Variants in NPHP1 observed in about 807,000 individuals in gnomAD.
NPHP1 encodes the protein nephrocystin-1.
A neutral mutation model predicts 90.4 loss-of-function variants in NPHP1; 70 were observed. The observed-to-expected ratio is 0.77, with a 90% confidence interval of 0.64 to 0.95. The LOEUF (loss-of-function observed/expected upper bound fraction) is 0.95, where lower values mean the gene tolerates loss of function less well. Ranked by LOEUF, NPHP1 falls within the 40% of genes least tolerant of loss-of-function variation. NPHP1 has a pLI of 0.00. For missense variants in NPHP1, 764 were observed against 795.9 expected, an observed-to-expected ratio of 0.96 and a Z score of 0.48; for synonymous variants, 256 against 271.7, an observed-to-expected ratio of 0.94 and a Z score of 0.57.
intron 5 of NPHP1, 101 bp from the exon 6 acceptor site, chr2:110,168,654 T>C (rs981156114): frequency 2.1e-5 from 17 of 815,426 alleles, no homozygotes; most frequent in South Asian, 8.8e-5. Flanking sequence ...AAAGGCAAAA[T>C]CTTTTTTTAA....
At chr2:110,131,964 A>G (rs1679816597) in intron 16 of NPHP1, among the ~76,000 whole-genome samples, 173 bp from the exon 17 acceptor site, 1 of 152,208 alleles carries the variant, frequency 6.6e-6, no homozygotes, top group Non-Finnish European at 1.5e-5. Context: ...TAAATTTCAG[A>G]TAACTTTTTA....
In NPHP1 at chr2:110,125,646, T is replaced by C. The variant is rs1679296760; in HGVS notation, c.1752A>G (p.Arg584=). 6.2e-7 allele frequency: 1 copy of C among 1,613,170 alleles called. No individual in the cohort carries two copies. The highest frequency in any genetic ancestry group is 1.3e-5 in the African/African-American group (1 of 74,920). Residue 584 remains arginine, a synonymous_variant, in exon 19 of 20, where the codon AGA becomes AGG. Transcript: ENST00000445609. ...SWAGKESTLK[R]SEKRDKEFLK... ...GAGACTCATATTTTACCTTCTCTGA[T>C]CTTTTTAATGTGCTTTCTTTTCCAG...
At chr2:110,156,402 C>G (rs995057999) in intron 11 of NPHP1, among the ~76,000 whole-genome samples, 1 of 152,062 alleles carries the variant, frequency 6.6e-6, no homozygotes, top group Non-Finnish European at 1.5e-5. Flanking sequence ...CTCAGCCATG[C>G]GGAACTGTAA....
At chr2:110,162,503 GACA>G in intron 9 of NPHP1, among the ~76,000 whole-genome samples, 1 of 152,008 alleles carries the variant, frequency 6.6e-6, no homozygotes, top group Non-Finnish European at 1.5e-5. Flanking sequence ...GGGTATACAG[GACA>G]CCCCTTGTCC....
chr2:110,156,339 T>C (rs1681886259), intron 11 of NPHP1, among the ~76,000 whole-genome samples: 5 of 152,262 alleles, frequency 3.3e-5, no homozygotes, highest in Middle Eastern at 3.4e-3. Flanking sequence ...TGTTCTCTTG[T>C]CTGCCACCAT....
At chr2:110,164,902 G>T in intron 7 of NPHP1, 150 bp downstream of exon 7, 1 of 863,582 alleles carries the variant, frequency 1.2e-6, no homozygotes, top group Non-Finnish European at 1.9e-6. Flanking sequence ...AACTAAAACA[G>T]TAATGATCTT....
chr2:110,157,707 T>C (rs1043883249), intron 11 of NPHP1, among the ~76,000 whole-genome samples: 1 of 152,060 alleles, frequency 6.6e-6, no homozygotes, highest in Non-Finnish European at 1.5e-5. Context: ...GATATCTCTA[T>C]CCACATCTCT....
intron 4 of NPHP1, among the ~76,000 whole-genome samples, chr2:110,175,737 A>C (rs914700384): frequency 6.6e-6 from 1 of 151,948 alleles, no homozygotes; most frequent in African/African-American, 2.4e-5. Context: ...GTGGATTGAT[A>C]TCTCTCTTAG....
Position 110,160,249 on chromosome 2 carries a change from A to G in NPHP1, c.961T>C (p.Ser321Pro), listed in dbSNP as rs1182173383. 1 of 1,608,280 alleles carries G rather than the reference A, an allele frequency of 6.2e-7. No homozygotes were observed. The highest frequency in any genetic ancestry group is 1.7e-5 in the Admixed American group (1 of 59,946). ...MWDATEGTIR[S>P]RPSRISLILT... ...ATCAATGAAATACGACTTGGTCTCG[A>G]CCTAATCTGAAAGAAAAATTAGTTA... The change falls in exon 11 of 20, where the codon TCG (serine) becomes CCG (proline). Residue 321 changes from serine (S) to proline (P), a missense_variant. Ser to Pro is a moderately conservative substitution (Grantham distance 74). Coordinates refer to ENST00000445609, the MANE Select transcript of NPHP1 (RefSeq NM_001128178.3).
rs375847336 is a variant in NPHP1, at chr2:110,192,698, A to T, written c.143+8723T>A. Among the ~76,000 whole-genome samples, 127 of 152,260 alleles carry T rather than the reference A, an allele frequency of 8.3e-4. 1 individual carries two copies. The East Asian group carries it at 0.014, about 17-fold the overall frequency. On this transcript the variant is annotated intron_variant, in intron 2 of 19. Transcript: ENST00000445609. ...CTCGAGAAGAGCAACTCCAAGACAC[A>T]TAATTGTCAGATTCACGAAAGTTGA...
intron 9 of NPHP1, among the ~76,000 whole-genome samples, chr2:110,162,239 G>T (rs1210238469): frequency 6.6e-6 from 1 of 152,058 alleles, no homozygotes; most frequent in African/African-American, 2.4e-5. Flanking sequence ...AGTTGAATGG[G>T]AGGAAAATTT....
rs1683006000 is a variant in NPHP1, at chr2:110,169,978, T to C, written c.350A>G (p.Glu117Gly). 6.2e-7 allele frequency: 1 copy of C among 1,612,444 alleles called. No individual in the cohort carries two copies. Among genetic ancestry groups the C allele is most frequent in the Non-Finnish European group, 8.5e-7 (1 of 1,178,612 alleles). ...ATCTTCACTTTCACTTTCTTCCTCT[T>C]CTTCAGTAGGTGCCCCAACTCTACA... ...NITEVGAPTE[E>G]EEESESEDSE... The change falls in exon 5 of 20, where the codon GAA (glutamate) becomes GGA (glycine). Residue 117 changes from glutamate (E) to glycine (G), a missense_variant. Glu to Gly is a moderately conservative substitution (Grantham distance 98, BLOSUM62 -2). Transcript: ENST00000445609.
chr2:110,140,442 T>C (rs1218337702), intron 16 of NPHP1, among the ~76,000 whole-genome samples: 2 of 152,114 alleles, frequency 1.3e-5, no homozygotes, highest in Admixed American at 6.5e-5. Context: ...CAGCATACAG[T>C]AGAGCATTCA....
chr2:110,165,225 T>G, intron 6 of NPHP1, 70 bp from the exon 7 acceptor site: 10 of 1,161,142 alleles, frequency 8.6e-6, no homozygotes, highest in Non-Finnish European at 1.3e-5. Context: ...ATACCAGTAC[T>G]GCCACCTAAC....
rs3789732 is a variant in NPHP1 at position 110,147,642 on chromosome 2, C to A, written c.1269+274G>T. Among the ~76,000 whole-genome samples the A allele has an allele frequency of 0.39, 58,725 of 152,002 alleles. 12,098 individuals carry two copies. Among genetic ancestry groups the A allele is most frequent in the East Asian group, 0.58 (2,975 of 5,162 alleles). ...GCTGGGATGCCAGTGAGCATCTTTT[C>A]TCACTTTCTGCAAAGTCCCATCCTT... On this transcript the variant is annotated intron_variant, in intron 13 of 19. Transcript: ENST00000445609.
At chr2:110,199,015 C>A (rs552858451) in intron 2 of NPHP1, among the ~76,000 whole-genome samples, 8 of 151,162 alleles carry the variant, frequency 5.3e-5, no homozygotes, top group Non-Finnish European at 8.8e-5. Context: ...CAGAAGAGAA[C>A]TTAAGGAGAA....
intron 12 of NPHP1, 49 bp downstream of exon 12, chr2:110,150,133 T>C: frequency 1.6e-6 from 2 of 1,275,856 alleles, no homozygotes; most frequent in East Asian, 2.3e-5. Context: ...AATATGAATA[T>C]GTTCTACTTT....
intron 19 of NPHP1, chr2:110,125,307 G>A (rs1047026507): frequency 1.3e-6 from 2 of 1,534,270 alleles, no homozygotes; most frequent in Non-Finnish European, 1.7e-6. Context: ...TTCTCTTGGT[G>A]ATACAGGCTT....
intron 16 of NPHP1, among the ~76,000 whole-genome samples, chr2:110,135,301 C>A (rs942474049): frequency 2.0e-5 from 3 of 151,100 alleles, no homozygotes; most frequent in Non-Finnish European, 4.4e-5. Context: ...CACGGTGAAA[C>A]CCCGTTTCTA....
Sources: gnomAD v4.1 joint callset for allele counts (sites outside exome capture counted in the v4.1 genomes callset) on GRCh38, gnomAD v4.1.1 for gene constraint, MANE v1.5 for transcripts, NCBI Gene and HGNC (gene_info 2026-07-23, HGNC 2026-07-21) for gene names.